The following RALYL variants were observed in gnomAD, a reference collection of about 807,000 sequenced individuals.
RALYL encodes RNA-binding Raly-like protein.
RALYL carries 29 observed loss-of-function variants against 35.1 expected under a neutral mutation model. The observed-to-expected ratio is 0.83, with a 90% CI of 0.61 to 1.13. The LOEUF is 1.13. Ranked by LOEUF, RALYL falls within the 50% of genes most tolerant of loss-of-function variation. The pLI is 0.00. For synonymous variants in RALYL, 120 were observed against 127.6 expected (o/e 0.94, Z 0.40); for missense variants, 359 against 360.4 (o/e 1.00, Z 0.03).
chr8:84,429,655 A>G (rs1024993234), intron 1 of RALYL, among the ~76,000 whole-genome samples: 1 of 152,092 alleles, frequency 6.6e-6, no homozygotes, highest in African/African-American at 2.4e-5. Flanking sequence ...CCAAACTTTC[A>G]TGTTAATAGA....
intron 1 of RALYL, among the ~76,000 whole-genome samples, chr8:84,433,693 C>T (rs2047383647): frequency 6.6e-6 from 1 of 151,990 alleles, no homozygotes; most frequent in Non-Finnish European, 1.5e-5. Flanking sequence ...CACCATGATT[C>T]TGAGGCCTCC....
rs116540287 is a variant in RALYL at position 84,215,531 on chromosome 8, G to A, written c.-24+31107G>A. ...TATTCATAAATATACATTTATTTAT[G>A]CATAAGGTTTTTTTTTTTAATCCCA... On this transcript the variant is annotated intron_variant, in intron 1 of 8. Transcript: ENST00000521268. Among the ~76,000 whole-genome samples the A allele has an allele frequency of 7.1e-3, 997 of 140,896 alleles. 3 individuals carry two copies. The highest frequency in any genetic ancestry group is 0.026 in the African/African-American group (925 of 35,958). 92.4% of individuals were successfully genotyped at this position (140,896 alleles called of 152,430 possible).
chr8:84,655,786 G>A (rs1304378980), intron 2 of RALYL, among the ~76,000 whole-genome samples: 1 of 152,034 alleles, frequency 6.6e-6, no homozygotes, highest in African/African-American at 2.4e-5. Context: ...TATCCTCAAT[G>A]AATATAACTT....
intron 4 of RALYL, among the ~76,000 whole-genome samples, chr8:84,847,633 A>C (rs765783609): frequency 6.6e-6 from 1 of 152,152 alleles, no homozygotes; most frequent in Non-Finnish European, 1.5e-5. Flanking sequence ...TATCTATACT[A>C]TTAGAATAAA....
intron 1 of RALYL, among the ~76,000 whole-genome samples, chr8:84,220,631 T>A (rs1226500304): frequency 6.6e-6 from 1 of 152,064 alleles, no homozygotes; most frequent in African/African-American, 2.4e-5. Context: ...ATAATAACCA[T>A]TTGAAACAAC....
chr8:84,441,486 A>G (rs776588459), intron 1 of RALYL, among the ~76,000 whole-genome samples: 58 of 152,150 alleles, frequency 3.8e-4, no homozygotes, highest in Admixed American at 1.2e-3. Context: ...AGTGGAAGAA[A>G]GCTTTGAAAG....
intron 1 of RALYL, among the ~76,000 whole-genome samples, chr8:84,283,304 G>T (rs772730051): frequency 1.3e-5 from 2 of 152,122 alleles, no homozygotes; most frequent in African/African-American, 2.4e-5. Context: ...TCAAGTCATT[G>T]TGGGCAAAAA....
At chr8:84,500,121 C>T (rs2056502029) in intron 1 of RALYL, among the ~76,000 whole-genome samples, 1 of 152,036 alleles carries the variant, frequency 6.6e-6, no homozygotes, top group African/African-American at 2.4e-5. Context: ...AATTTATCAC[C>T]ATGTATGTAA....
At chr8:84,418,384 T>C (rs1328672618) in intron 1 of RALYL, among the ~76,000 whole-genome samples, 1 of 152,082 alleles carries the variant, frequency 6.6e-6, no homozygotes, top group Non-Finnish European at 1.5e-5. Flanking sequence ...AGGTACTCAG[T>C]GAATGTTAGC....
intron 2 of RALYL, among the ~76,000 whole-genome samples, chr8:84,635,079 G>A (rs985510512): frequency 6.6e-6 from 1 of 151,718 alleles, no homozygotes; most frequent in African/African-American, 2.4e-5. Context: ...TAAAGTGAAC[G>A]TCCTGATTGC....
At chr8:84,373,745 G>C (rs1856393192) in intron 1 of RALYL, among the ~76,000 whole-genome samples, 2 of 151,872 alleles carry the variant, frequency 1.3e-5, no homozygotes, top group African/African-American at 4.8e-5. Context: ...TGTTTCTCTA[G>C]TTCTGTGAAG....
At chr8:84,662,590 T>G (rs1198126292) in intron 2 of RALYL, among the ~76,000 whole-genome samples, 1 of 152,142 alleles carries the variant, frequency 6.6e-6, no homozygotes, top group Non-Finnish European at 1.5e-5. Context: ...AACAAGGCTG[T>G]CTGAGCTTAT....
At chr8:84,417,492 A>G (rs900894670) in intron 1 of RALYL, among the ~76,000 whole-genome samples, 5 of 151,862 alleles carry the variant, frequency 3.3e-5, no homozygotes, top group South Asian at 2.1e-4. Flanking sequence ...AGGTTGACAC[A>G]GTATCATAAA....
At chr8:84,285,639 T>G (rs1837449416) in intron 1 of RALYL, among the ~76,000 whole-genome samples, 1 of 151,606 alleles carries the variant, frequency 6.6e-6, no homozygotes, top group African/African-American at 2.4e-5. Flanking sequence ...GAGAGAAGAG[T>G]TATAGGGATA....
chr8:84,492,235 CT>C (rs1482491352), intron 1 of RALYL, among the ~76,000 whole-genome samples: 1 of 151,972 alleles, frequency 6.6e-6, no homozygotes, highest in Non-Finnish European at 1.5e-5. Context: ...AAGTATACAA[CT>C]AAAAGTAACT....
intron 1 of RALYL, among the ~76,000 whole-genome samples, chr8:84,438,833 A>T (rs1232242190): frequency 6.6e-6 from 1 of 152,150 alleles, no homozygotes; most frequent in Non-Finnish European, 1.5e-5. Context: ...CATTGATTGA[A>T]AATGAAGTTC....
At chr8:84,845,445 CAT>C (rs1283213829) in intron 4 of RALYL, among the ~76,000 whole-genome samples, 2 of 152,214 alleles carry the variant, frequency 1.3e-5, no homozygotes, top group African/African-American at 4.8e-5. Context: ...ACCATTTATT[CAT>C]ATGTTTGTTG....
chr8:84,197,683 C>T (rs1374177791), intron 1 of RALYL, among the ~76,000 whole-genome samples: 2 of 151,344 alleles, frequency 1.3e-5, no homozygotes, highest in East Asian at 3.9e-4. Flanking sequence ...AATCCGAGCT[C>T]TCAGGGAGGC....
At chr8:84,278,549 C>G (rs1204695056) in intron 1 of RALYL, among the ~76,000 whole-genome samples, 1 of 152,148 alleles carries the variant, frequency 6.6e-6, no homozygotes. Context: ...TGTCAGGTGC[C>G]CAGTTTCCAA....
Sources: gnomAD v4.1 joint callset for allele counts (sites outside exome capture counted in the v4.1 genomes callset) on GRCh38, gnomAD v4.1.1 for gene constraint, MANE v1.5 for transcripts, NCBI Gene and HGNC (gene_info 2026-07-23, HGNC 2026-07-21) for gene names.